BABAM2: variants seen among roughly 807,000 people sequenced by gnomAD.
BABAM2 encodes BRISC and BRCA1 A complex member 2.
In BABAM2, 31 loss-of-function variants were observed where a neutral mutation model predicts 54.7. That is an observed-to-expected ratio of 0.57 (90% CI 0.43 to 0.77). BABAM2 has a LOEUF of 0.77. Ranked by LOEUF, BABAM2 falls within the 30% of genes least tolerant of loss-of-function variation. The pLI is 0.00. For synonymous variants in BABAM2, 167 were observed against 162.9 expected (o/e 1.03, Z -0.19); for missense variants, 364 against 455.8 (o/e 0.80, Z 1.83).
At chr2:27,998,866 A>T (rs972891827) in intron 4 of BABAM2, among the ~76,000 whole-genome samples, 1 of 152,232 alleles carries the variant, frequency 6.6e-6, no homozygotes, top group African/African-American at 2.4e-5. Flanking sequence ...TTTTAGTAAC[A>T]TCAAAATTGT....
intron 11 of BABAM2, among the ~76,000 whole-genome samples, chr2:28,334,295 C>A (rs576695613): frequency 1.3e-5 from 2 of 152,380 alleles, no homozygotes; most frequent in African/African-American, 4.8e-5. Flanking sequence ...GCTGATGAGG[C>A]TTGCCTCGGG....
chr2:28,092,652 T>G (rs568045608), intron 6 of BABAM2, among the ~76,000 whole-genome samples: 26 of 152,252 alleles, frequency 1.7e-4, no homozygotes, highest in African/African-American at 6.3e-4. Context: ...GAAGCCTGGT[T>G]GAAGAATAGG....
chr2:27,920,672 T>C (rs1667283581), intron 2 of BABAM2, among the ~76,000 whole-genome samples: 2 of 152,178 alleles, frequency 1.3e-5, no homozygotes, highest in Admixed American at 1.3e-4. Flanking sequence ...CAAACGTCAC[T>C]ATCAAGAAAA....
At chr2:27,931,721 A>G (rs1668110709) in intron 3 of BABAM2, among the ~76,000 whole-genome samples, 1 of 152,182 alleles carries the variant, frequency 6.6e-6, no homozygotes, top group Non-Finnish European at 1.5e-5. Context: ...CTTCGTTATT[A>G]CTTAAGGACA....
At chr2:28,086,984 A>ATTTTT (rs1353083874) in intron 6 of BABAM2, among the ~76,000 whole-genome samples, 4 of 152,210 alleles carry the variant, frequency 2.6e-5, no homozygotes, top group Non-Finnish European at 4.4e-5. Flanking sequence ...TGTTCCGGGA[A>ATTTTT]TGCAAAATTA....
At chr2:28,201,657 A>C (rs983162063) in intron 7 of BABAM2, among the ~76,000 whole-genome samples, 6 of 152,208 alleles carry the variant, frequency 3.9e-5, no homozygotes, top group African/African-American at 1.4e-4. Context: ...AAAAAAATGA[A>C]GAACAAGTTT....
intron 6 of BABAM2, among the ~76,000 whole-genome samples, chr2:28,084,147 C>A (rs895078303): frequency 6.6e-6 from 1 of 152,164 alleles, no homozygotes; most frequent in Admixed American, 6.5e-5. Context: ...AGAGACACAG[C>A]GGCAACCATA....
At chr2:28,177,963 T>C (rs1675193676) in intron 7 of BABAM2, among the ~76,000 whole-genome samples, 1 of 151,832 alleles carries the variant, frequency 6.6e-6, no homozygotes. Context: ...TCTAGACATA[T>C]ATGCAGACAA....
chr2:28,125,941 G>C (rs1194752028), intron 6 of BABAM2, among the ~76,000 whole-genome samples: 1 of 152,176 alleles, frequency 6.6e-6, no homozygotes, highest in Non-Finnish European at 1.5e-5. Context: ...GAAGGTTAAA[G>C]AGCTGTTTAT....
intron 7 of BABAM2, among the ~76,000 whole-genome samples, chr2:28,225,801 G>T (rs1468564356): frequency 2.0e-5 from 3 of 151,640 alleles, no homozygotes; most frequent in Admixed American, 2.0e-4. Flanking sequence ...TAATTCCTGT[G>T]GTTTACCTGC....
rs754184176 is a variant in BABAM2, at chr2:28,327,323, G to A, written c.1089-11127G>A. On this transcript the variant is annotated intron_variant, in intron 11 of 11. Transcript: ENST00000379624. ...CTGCAGCCCGTGGGAGCAAGTCCTG[G>A]CCTTTGCAGTTGCAAAAACTGGCTG... is the stretch of plus-strand genomic sequence containing the variant. 3.7e-6 allele frequency: 6 copies of A among 1,613,756 alleles called. No individual in the cohort carries two copies. The highest frequency in any genetic ancestry group is 3.3e-5 in the South Asian group (3 of 91,008).
chr2:27,890,206 G>T (rs758539982), upstream of BABAM2: 4 of 1,563,632 alleles, frequency 2.6e-6, no homozygotes, highest in Admixed American at 5.1e-5. This position sits in a 1 kb window ranked among gnomAD's most constrained non-coding sequence, Gnocchi z 4.8. Context: ...CATAGCGCAC[G>T]GCACGCCTCC....
At chr2:28,042,065 A>G (rs1190243694) in intron 5 of BABAM2, among the ~76,000 whole-genome samples, 1 of 152,152 alleles carries the variant, frequency 6.6e-6, no homozygotes, top group East Asian at 1.9e-4. Context: ...AGTTAACAAG[A>G]TTTTGCCGCC....
intron 10 of BABAM2, among the ~76,000 whole-genome samples, chr2:28,257,063 A>T (rs1165237665): frequency 1.3e-5 from 2 of 152,172 alleles, no homozygotes; most frequent in African/African-American, 4.8e-5. Context: ...TACTGGCCTG[A>T]TGTTTAGCAT....
At chr2:28,124,188 A>G (rs915754740) in intron 6 of BABAM2, among the ~76,000 whole-genome samples, 1 of 152,170 alleles carries the variant, frequency 6.6e-6, no homozygotes, top group African/African-American at 2.4e-5. Context: ...TGTCTTTTTG[A>G]CCAATCTAAC....
intron 10 of BABAM2, among the ~76,000 whole-genome samples, chr2:28,252,307 TAAAAG>T (rs900552674): frequency 4.6e-5 from 7 of 152,224 alleles, no homozygotes; most frequent in African/African-American, 1.7e-4. Context: ...TGGAAAAAGA[TAAAAG>T]AAAATTTACT....
chr2:28,241,812 T>G (rs1469224914), intron 9 of BABAM2, among the ~76,000 whole-genome samples: 1 of 150,714 alleles, frequency 6.6e-6, no homozygotes, highest in East Asian at 1.9e-4. Flanking sequence ...ACCTTTTTAA[T>G]GCCACTTTGA....
intron 11 of BABAM2, among the ~76,000 whole-genome samples, chr2:28,301,988 C>T (rs1688143471): frequency 6.6e-6 from 1 of 152,160 alleles, no homozygotes; most frequent in Admixed American, 6.5e-5. Context: ...ACTCTCAAGG[C>T]AACTATTGTT....
chr2:28,198,529 C>T (rs549113362), intron 7 of BABAM2, among the ~76,000 whole-genome samples: 37 of 152,238 alleles, frequency 2.4e-4, no homozygotes, highest in African/African-American at 8.7e-4. Context: ...TGAAAACCAT[C>T]AACCAAAGAG....
Sources: allele counts gnomAD v4.1 joint callset (sites outside exome capture counted in the v4.1 genomes callset), GRCh38; gene constraint gnomAD v4.1.1; non-coding constraint Gnocchi (gnomAD v3.1); transcripts MANE v1.5; gene names NCBI Gene and HGNC (gene_info 2026-07-23, HGNC 2026-07-21).